MACROD2: variants seen among roughly 807,000 people sequenced by gnomAD.
MACROD2 encodes the protein mono-ADP ribosylhydrolase 2.
Under a neutral mutation model 70.4 loss-of-function variants are expected in MACROD2, and 36 were observed. The ratio of observed to expected loss-of-function variants is 0.51; its 90% CI spans 0.39 to 0.68. The LOEUF is 0.68. Ranked by LOEUF, MACROD2 falls within the 30% of genes least tolerant of loss-of-function variation. The probability of loss-of-function intolerance (pLI) is 0.00; values close to 1 mark genes in which losing one functional copy is unlikely to be tolerated. For missense variants in MACROD2, 496 were observed against 538.4 expected (o/e 0.92, Z 0.78); for synonymous variants, 172 against 178.8 (o/e 0.96, Z 0.30).
chr20:15,463,797 C>T (rs77883595), intron 7 of MACROD2, among the ~76,000 whole-genome samples: 6,312 of 152,236 alleles, frequency 0.041, 213 homozygotes, highest in Non-Finnish European at 0.058. Context: ...AAATATAAAG[C>T]TTATTTTAAA....
rs757545585 is a variant in MACROD2, at chr20:15,937,541, G to A, written c.904G>A (p.Glu302Lys). The change falls in exon 12 of 18, where the codon GAA becomes AAA. Residue 302 changes from glutamate (E) to lysine (K), a missense_variant. Physicochemically the swap from Glu to Lys is moderately conservative, Grantham distance 56. Coordinates refer to ENST00000684519, the MANE Select transcript of MACROD2 (RefSeq NM_001351661.2). ...SEEAVEDCKD[E>K]DFAKDENITK... ...AGAGGCAGTTGAAGACTGTAAAGAT[G>A]AAGGTATGAGGCTACTAACTATATC... is the stretch of plus-strand genomic sequence containing the variant. 1.2e-6 allele frequency: 2 copies of A among 1,612,760 alleles called. No individual in the cohort carries two copies. The highest frequency in any genetic ancestry group is 1.7e-5 in the Admixed American group (1 of 59,952).
chr20:15,014,688 C>T (rs931289906), intron 5 of MACROD2, among the ~76,000 whole-genome samples: 4 of 152,028 alleles, frequency 2.6e-5, no homozygotes, highest in Non-Finnish European at 4.4e-5. Flanking sequence ...TGTATGTGTG[C>T]ATTGCATAGT....
At chr20:15,549,759 A>G (rs1410584908) in intron 8 of MACROD2, among the ~76,000 whole-genome samples, 1 of 151,938 alleles carries the variant, frequency 6.6e-6, no homozygotes, top group East Asian at 1.9e-4. Flanking sequence ...CTAAATTACC[A>G]CTTAGCATAT....
intron 2 of MACROD2, among the ~76,000 whole-genome samples, chr20:14,077,792 G>A (rs1165083306): frequency 1.3e-5 from 2 of 151,740 alleles, no homozygotes; most frequent in East Asian, 3.9e-4. Flanking sequence ...CAGCCCAACA[G>A]TGTGCTAATA....
chr20:14,110,532 G>A (rs1283510727), intron 3 of MACROD2, among the ~76,000 whole-genome samples: 1 of 151,950 alleles, frequency 6.6e-6, no homozygotes, highest in Non-Finnish European at 1.5e-5. Context: ...ATTCAGTAAA[G>A]TTGCAGGATA....
In MACROD2 at chr20:16,008,621, C is replaced by T. The variant is rs142062362; in HGVS notation, c.1153+21463C>T. On this transcript the variant is annotated intron_variant, in intron 15 of 17. Coordinates refer to ENST00000684519, the MANE Select transcript of MACROD2 (RefSeq NM_001351661.2). ...CATCTGTAAATGGGGATCATAATAGCACCTACCTCAGCAGGTTGTTTATAG... is the reference window on the plus strand; with the variant it reads ...CATCTGTAAATGGGGATCATAATAGTACCTACCTCAGCAGGTTGTTTATAG... 7.0e-3 allele frequency among the ~76,000 whole-genome samples: 1,065 copies of T among 152,284 alleles called. 9 individuals carry two copies. Among genetic ancestry groups the T allele is most frequent in the African/African-American group, 0.023 (963 of 41,554 alleles).
chr20:15,323,542 C>T (rs1033238452), intron 6 of MACROD2, among the ~76,000 whole-genome samples: 20 of 152,092 alleles, frequency 1.3e-4, no homozygotes, highest in Non-Finnish European at 2.9e-5. Context: ...CCATCAATTG[C>T]TATTTCTTTG....
At chr20:15,724,288 A>G (rs908880892) in intron 8 of MACROD2, among the ~76,000 whole-genome samples, 4 of 152,198 alleles carry the variant, frequency 2.6e-5, no homozygotes, top group Non-Finnish European at 4.4e-5. Context: ...AGTTTAGCTT[A>G]TCAATTACTT....
At chr20:15,008,221 C>A (rs1472685090) in intron 5 of MACROD2, among the ~76,000 whole-genome samples, 1 of 152,106 alleles carries the variant, frequency 6.6e-6, no homozygotes, top group African/African-American at 2.4e-5. Context: ...TGGCTCACAT[C>A]TGTAATCCCA....
At chr20:15,606,165 G>A (rs1052558258) in intron 8 of MACROD2, among the ~76,000 whole-genome samples, 1 of 152,092 alleles carries the variant, frequency 6.6e-6, no homozygotes, top group Admixed American at 6.5e-5. Context: ...TGAGCCATCT[G>A]AAAAAGGCAA....
intron 5 of MACROD2, among the ~76,000 whole-genome samples, chr20:14,736,121 A>G (rs1470031900): frequency 1.3e-5 from 2 of 152,186 alleles, no homozygotes; most frequent in Non-Finnish European, 1.5e-5. Context: ...TCTCATATAC[A>G]TATGTATAAT....
intron 6 of MACROD2, among the ~76,000 whole-genome samples, chr20:15,382,724 G>A (rs972035246): frequency 1.3e-5 from 2 of 152,182 alleles, no homozygotes; most frequent in African/African-American, 4.8e-5. Flanking sequence ...CCACTTTCAT[G>A]TGGGAAACCA....
intron 5 of MACROD2, among the ~76,000 whole-genome samples, chr20:15,055,136 G>A (rs766322511): frequency 1.5e-4 from 23 of 152,154 alleles, no homozygotes; most frequent in Middle Eastern, 3.4e-3. Flanking sequence ...TTTTAGTAGA[G>A]ACAGGGTTTC....
intron 5 of MACROD2, among the ~76,000 whole-genome samples, chr20:15,137,737 A>C (rs2076161352): frequency 6.6e-6 from 1 of 151,884 alleles, no homozygotes; most frequent in African/African-American, 2.4e-5. Context: ...ATAATCTTAA[A>C]GGTAAGGTAC....
At chr20:15,265,760 T>C (rs1259270451) in intron 6 of MACROD2, among the ~76,000 whole-genome samples, 1 of 152,202 alleles carries the variant, frequency 6.6e-6, no homozygotes. Flanking sequence ...CAGATATTGC[T>C]CTGTTTTGAA....
intron 5 of MACROD2, among the ~76,000 whole-genome samples, chr20:14,845,292 T>C (rs1304793919): frequency 6.6e-6 from 1 of 152,136 alleles, no homozygotes; most frequent in African/African-American, 2.4e-5. Flanking sequence ...TATTAATATA[T>C]TGGAGTCACA....
chr20:14,096,693 A>G (rs1176967074), intron 3 of MACROD2, among the ~76,000 whole-genome samples: 1 of 152,180 alleles, frequency 6.6e-6, no homozygotes, highest in East Asian at 1.9e-4. Context: ...CATATATGCC[A>G]TATGGTCAGG....
intron 3 of MACROD2, among the ~76,000 whole-genome samples, chr20:14,116,541 AT>A (rs2054515736): frequency 1.3e-5 from 2 of 152,188 alleles, no homozygotes; most frequent in South Asian, 2.1e-4. Context: ...TTTTAATGCA[AT>A]TTTTTTCTTT....
chr20:15,308,376 C>A (rs1269954929), intron 6 of MACROD2, among the ~76,000 whole-genome samples: 1 of 152,006 alleles, frequency 6.6e-6, no homozygotes, highest in Non-Finnish European at 1.5e-5. Flanking sequence ...ACTTCAGTGC[C>A]ATGTAGATAA....
Sources: allele counts gnomAD v4.1 joint callset (sites outside exome capture counted in the v4.1 genomes callset), GRCh38; gene constraint gnomAD v4.1.1; transcripts MANE v1.5; gene names NCBI Gene and HGNC (gene_info 2026-07-23, HGNC 2026-07-21).